The following ATP6V0D2 variants were observed in gnomAD, a reference collection of about 807,000 sequenced individuals.
ATP6V0D2 encodes the protein V-type proton ATPase subunit d 2.
ATP6V0D2 carries 40 observed loss-of-function variants against 40.0 expected under a neutral mutation model. The ratio of observed to expected loss-of-function variants is 1.00; its 90% CI spans 0.78 to 1.30. The LOEUF (loss-of-function observed/expected upper bound fraction) is 1.30. ATP6V0D2 is among the 50% of genes most tolerant of loss of function. The pLI, the probability that ATP6V0D2 is intolerant of heterozygous loss-of-function variation, is 0.00. For missense variants in ATP6V0D2, 470 were observed against 423.1 expected (o/e 1.11, Z -0.97); for synonymous variants, 179 against 156.3 (o/e 1.15, Z -1.08).
At chr8:86,148,490 T>C (rs553573877) in intron 5 of ATP6V0D2, among the ~76,000 whole-genome samples, 2 of 152,308 alleles carry the variant, frequency 1.3e-5, no homozygotes, top group African/African-American at 4.8e-5. Flanking sequence ...CAAAAGCTGA[T>C]TAGAGGATAG....
At chr8:86,148,905 C>G (rs796809959) in intron 5 of ATP6V0D2, among the ~76,000 whole-genome samples, 4 of 151,666 alleles carry the variant, frequency 2.6e-5, no homozygotes, top group African/African-American at 9.7e-5. Flanking sequence ...AATCCCGTCT[C>G]TACAAGAAAA....
At chr8:86,131,320 C>T (rs774639944) in intron 2 of ATP6V0D2, among the ~76,000 whole-genome samples, 1 of 152,080 alleles carries the variant, frequency 6.6e-6, no homozygotes, top group Non-Finnish European at 1.5e-5. Context: ...CTGCCTCAGC[C>T]TCCCCAGTAG....
At chr8:86,105,390 C>G (rs1250555273) in intron 1 of ATP6V0D2, among the ~76,000 whole-genome samples, 1 of 151,952 alleles carries the variant, frequency 6.6e-6, no homozygotes, top group East Asian at 1.9e-4. Flanking sequence ...TCTACCTCTC[C>G]CGGACTTAAG....
At chr8:86,150,556 A>T (rs1033723616) in intron 6 of ATP6V0D2, among the ~76,000 whole-genome samples, 20 of 152,060 alleles carry the variant, frequency 1.3e-4, no homozygotes, top group African/African-American at 4.8e-4. Context: ...GAAGTGTTTG[A>T]TAAAGCAAGT....
intron 6 of ATP6V0D2, among the ~76,000 whole-genome samples, chr8:86,151,095 A>G (rs1185312442): frequency 1.3e-5 from 2 of 152,184 alleles, no homozygotes; most frequent in East Asian, 3.8e-4. Context: ...CTACATGTGA[A>G]TTTTATCAAT....
intron 1 of ATP6V0D2, among the ~76,000 whole-genome samples, chr8:86,099,549 A>C (rs1206607992): frequency 1.3e-5 from 2 of 152,192 alleles, no homozygotes; most frequent in East Asian, 3.9e-4. Flanking sequence ...GCTGAAGTAT[A>C]GTGGCGTGAT....
intron 2 of ATP6V0D2, among the ~76,000 whole-genome samples, chr8:86,116,767 G>T (rs1818595777): frequency 6.6e-6 from 1 of 152,104 alleles, no homozygotes; most frequent in Admixed American, 6.6e-5. Flanking sequence ...TGAGTCAAAG[G>T]AATGTGCATC....
intron 5 of ATP6V0D2, among the ~76,000 whole-genome samples, chr8:86,148,643 G>A (rs371248212): frequency 2.0e-4 from 31 of 152,116 alleles, no homozygotes; most frequent in African/African-American, 5.3e-4. Flanking sequence ...CAAATCTACT[G>A]AGCCATAAAA....
chr8:86,143,848 G>C (rs751518553), intron 5 of ATP6V0D2, among the ~76,000 whole-genome samples: 6 of 152,068 alleles, frequency 3.9e-5, no homozygotes, highest in Non-Finnish European at 7.4e-5. Flanking sequence ...ATGGACTATA[G>C]ACACTCCATA....
Position 86,113,808 on chromosome 8 carries a change from G to C in ATP6V0D2, c.230G>C (p.Arg77Thr), listed in dbSNP as rs1270087687. The C allele has an allele frequency of 2.5e-6, 4 of 1,613,958 alleles. No individual in the cohort carries two copies. Among genetic ancestry groups the C allele is most frequent in the Non-Finnish European group, 8.5e-7 (1 of 1,179,924 alleles). ...VSKIDTEMRK[R>T]LCGEFEYFRN... ...AAAATTGACACTGAGATGAGGAAAA[G>C]ACTATGTGGAGAATTTGAGTATTTC... Residue 77 changes from arginine (R) to threonine (T), a missense_variant, in exon 2 of 8, where the codon AGA becomes ACA. Physicochemically the swap from Arg to Thr is moderately conservative, Grantham distance 71. Transcript: ENST00000285393.
At chr8:86,151,276 C>A (rs1819147646) in intron 6 of ATP6V0D2, among the ~76,000 whole-genome samples, 190 bp from the exon 7 acceptor site, 2 of 152,104 alleles carry the variant, frequency 1.3e-5, no homozygotes, top group Non-Finnish European at 2.9e-5. Flanking sequence ...GCTAGAATTT[C>A]ATCCACACTC....
At chr8:86,123,514 T>C (rs1818700475) in intron 2 of ATP6V0D2, among the ~76,000 whole-genome samples, 1 of 152,178 alleles carries the variant, frequency 6.6e-6, no homozygotes, top group Admixed American at 6.6e-5. Context: ...GAGGAAGCTA[T>C]TTTAAAAGCT....
At chr8:86,149,656 T>C (rs1819115688) in intron 5 of ATP6V0D2, among the ~76,000 whole-genome samples, 1 of 152,214 alleles carries the variant, frequency 6.6e-6, no homozygotes, top group South Asian at 2.1e-4. Context: ...TATGCTGACA[T>C]TGACAACTAG....
At chr8:86,123,919 A>T (rs1290255483) in intron 2 of ATP6V0D2, among the ~76,000 whole-genome samples, 1 of 152,188 alleles carries the variant, frequency 6.6e-6, no homozygotes, top group Non-Finnish European at 1.5e-5. Context: ...TTAAATGAGT[A>T]AATAGCCTTC....
chr8:86,115,465 T>C (rs1285763271), intron 2 of ATP6V0D2, among the ~76,000 whole-genome samples: 1 of 143,810 alleles, frequency 7.0e-6, no homozygotes, highest in African/African-American at 2.6e-5. Flanking sequence ...GCCTCCGTGG[T>C]TCAAGAGATT....
At chr8:86,104,119 C>T (rs922037828) in intron 1 of ATP6V0D2, among the ~76,000 whole-genome samples, 8 of 152,016 alleles carry the variant, frequency 5.3e-5, no homozygotes, top group South Asian at 2.1e-4. Flanking sequence ...TGACCCACCG[C>T]GGCTGGCCTT....
chr8:86,134,520 G>C (rs1818871130), intron 2 of ATP6V0D2, among the ~76,000 whole-genome samples: 1 of 152,096 alleles, frequency 6.6e-6, no homozygotes, highest in African/African-American at 2.4e-5. Flanking sequence ...GGAAATATAA[G>C]TTATAAACAG....
rs188320752 is a variant in ATP6V0D2, at chr8:86,110,685, C to T, written c.131-3024C>T. On this transcript the variant is annotated intron_variant, in intron 1 of 7. Coordinates refer to ENST00000285393, the MANE Select transcript of ATP6V0D2 (RefSeq NM_152565.1). ...GATGATATACAGGCTAAAATGTCTA[C>T]GTGCAAGACAATCAGTAAACTTCAT... Among the ~76,000 whole-genome samples the T allele has an allele frequency of 3.9e-5, 6 of 152,236 alleles. No individual in the cohort carries two copies. The East Asian group carries it at 7.7e-4, about 20-fold the overall frequency.
rs17603897 is a variant in ATP6V0D2, at chr8:86,142,808, G to A, written c.562-69G>A. ...TAAAGCATTTAATAAACCATGAAAA[G>A]CTGATCTAGACATTTTCAAAAGGAA... On this transcript the variant is annotated intron_variant, in intron 4 of 7. Transcript: ENST00000285393. 0.14 allele frequency: 131,549 copies of A among 951,436 alleles called. 10,245 individuals are homozygous for A. The highest frequency in any genetic ancestry group is 0.16 in the Non-Finnish European group (99,411 of 622,170). 58.9% of individuals were successfully genotyped at this position (951,436 alleles called of 1,614,324 possible).
Sources: gnomAD v4.1 joint callset for allele counts (sites outside exome capture counted in the v4.1 genomes callset) on GRCh38, gnomAD v4.1.1 for gene constraint, MANE v1.5 for transcripts, NCBI Gene and HGNC (gene_info 2026-07-23, HGNC 2026-07-21) for gene names.